The following TMEM132C variants were observed in gnomAD, a reference collection of about 807,000 sequenced individuals.
The protein encoded by TMEM132C is transmembrane protein 132C, also known as protein phosphatase 1, regulatory subunit 152.
A neutral mutation model predicts 61.4 loss-of-function variants in TMEM132C; 29 were observed. The ratio of observed to expected loss-of-function variants is 0.47; its 90% CI spans 0.35 to 0.64. The LOEUF (loss-of-function observed/expected upper bound fraction) is 0.64. TMEM132C is among the 30% of genes least tolerant of loss of function. TMEM132C has a pLI of 0.00. For synonymous variants in TMEM132C, 656 were observed against 633.1 expected (o/e 1.04, Z -0.54); for missense variants, 1,408 against 1,476.9 (o/e 0.95, Z 0.76).
At chr12:128,327,696 A>T (rs757025369) in intron 1 of TMEM132C, among the ~76,000 whole-genome samples, 1 of 152,150 alleles carries the variant, frequency 6.6e-6, no homozygotes. Context: ...GCTTGGTTTT[A>T]TACATTTTAG....
At chr12:128,401,363 A>G (rs991182457) in intron 1 of TMEM132C, among the ~76,000 whole-genome samples, 8 of 152,072 alleles carry the variant, frequency 5.3e-5, no homozygotes, top group African/African-American at 1.7e-4. Context: ...ACAAATCAGT[A>G]TAGTGCTCTG....
At chr12:128,508,219 A>T (rs1872445553) in intron 2 of TMEM132C, among the ~76,000 whole-genome samples, 1 of 152,208 alleles carries the variant, frequency 6.6e-6, no homozygotes. Context: ...AAAACCCCTT[A>T]TAAAACCATC....
intron 4 of TMEM132C, among the ~76,000 whole-genome samples, chr12:128,661,397 C>T (rs865893019): frequency 2.4e-4 from 36 of 152,144 alleles, no homozygotes; most frequent in Admixed American, 7.2e-4. Context: ...CCAAGGGATA[C>T]GTAATCATGG....
intron 2 of TMEM132C, among the ~76,000 whole-genome samples, chr12:128,495,525 T>C (rs554735463): frequency 6.6e-6 from 1 of 152,364 alleles, no homozygotes; most frequent in East Asian, 1.9e-4. Context: ...TGCTCGTGTA[T>C]TGGGTGCATA....
At chr12:128,611,261 G>T (rs956026642) in intron 3 of TMEM132C, among the ~76,000 whole-genome samples, 1 of 152,160 alleles carries the variant, frequency 6.6e-6, no homozygotes, top group African/African-American at 2.4e-5. Context: ...AAAGGGCCAT[G>T]GCTTTTTGCC....
chr12:128,327,316 A>G (rs1872552179), intron 1 of TMEM132C, among the ~76,000 whole-genome samples: 1 of 150,270 alleles, frequency 6.7e-6, no homozygotes, highest in Non-Finnish European at 1.5e-5. Flanking sequence ...CACAGCCCAC[A>G]GGAGATCCTG....
At chr12:128,568,625 A>C (rs80001663) in intron 3 of TMEM132C, among the ~76,000 whole-genome samples, 6,105 of 152,266 alleles carry the variant, frequency 0.04, 368 homozygotes, top group African/African-American at 0.13. Context: ...AAGGTCACAC[A>C]GCTGGCAAGT....
At chr12:128,565,139 G>T (rs982179166) in intron 3 of TMEM132C, among the ~76,000 whole-genome samples, 1 of 152,208 alleles carries the variant, frequency 6.6e-6, no homozygotes, top group Non-Finnish European at 1.5e-5. Flanking sequence ...GGCAGAGCCC[G>T]CCTGGCAGAG....
chr12:128,663,578 CTAACA>C (rs1273833320), intron 4 of TMEM132C, among the ~76,000 whole-genome samples: 4 of 152,258 alleles, frequency 2.6e-5, no homozygotes, highest in Non-Finnish European at 4.4e-5. Flanking sequence ...TCAAACTCCC[CTAACA>C]TATTTCAGTC....
At chr12:128,548,357 T>C (rs1874036820) in intron 3 of TMEM132C, among the ~76,000 whole-genome samples, 1 of 152,186 alleles carries the variant, frequency 6.6e-6, no homozygotes, top group African/African-American at 2.4e-5. Flanking sequence ...AAAATAAAAT[T>C]TCAGTGATAT....
At chr12:128,398,756 G>A (rs1002130894) in intron 1 of TMEM132C, among the ~76,000 whole-genome samples, 47 of 152,184 alleles carry the variant, frequency 3.1e-4, no homozygotes, top group African/African-American at 1.1e-3. Context: ...GTACAAAGAA[G>A]TCGATATATG....
At chr12:128,591,464 G>A (rs1429689816) in intron 3 of TMEM132C, among the ~76,000 whole-genome samples, 1 of 152,112 alleles carries the variant, frequency 6.6e-6, no homozygotes, top group East Asian at 1.9e-4. Context: ...CCCAGCGTGT[G>A]GATAGACCAC....
Position 128,277,338 on chromosome 12 carries a change from C to G in TMEM132C, c.85+9851C>G, listed in dbSNP as rs190495738. Among the ~76,000 whole-genome samples the G allele has an allele frequency of 4.4e-4, 67 of 152,306 alleles. No individual in the cohort carries two copies. In the East Asian group the frequency reaches 0.011, roughly 25 times the overall value. ...TCTCCCAATCTCTTGGCTGCTCTGT[C>G]CTCTTTGCTGTCTTCATTTTGGAGA... On this transcript the variant is annotated intron_variant, in intron 1 of 8. Transcript: ENST00000435159.
chr12:128,673,095 G>A (rs375568921), intron 5 of TMEM132C, among the ~76,000 whole-genome samples: 47 of 152,278 alleles, frequency 3.1e-4, no homozygotes, highest in Non-Finnish European at 4.7e-4. Context: ...GCTGGCCTTC[G>A]AGAATGTGCA....
intron 1 of TMEM132C, among the ~76,000 whole-genome samples, chr12:128,267,726 C>T (rs539988531): frequency 1.4e-3 from 212 of 152,276 alleles, no homozygotes; most frequent in South Asian, 2.1e-3. Flanking sequence ...CCACCCCGGA[C>T]CCCCCAGACC....
rs1868726949 is a variant in TMEM132C, at chr12:128,415,228, T to C, written c.582T>C (p.Cys194=). The C allele has an allele frequency of 1.2e-6, 2 of 1,609,178 alleles. No individual in the cohort carries two copies. Among genetic ancestry groups the C allele is most frequent in the Non-Finnish European group, 1.7e-6 (2 of 1,177,946 alleles). The stretch of plus-strand genomic sequence containing the variant: ...GGCTGAAGGGGGACCTGGGGCTGTG[T>C]GTGGCTGAGCTGGAGCTCCTGTCCA... ...SCRLKGDLGL[C]VAELELLSSW... Residue 194 remains cysteine (C), a synonymous_variant, in exon 2 of 9, where the codon TGT becomes TGC. Coordinates refer to ENST00000435159, the MANE Select transcript of TMEM132C (RefSeq NM_001136103.3). The surrounding 1 kb of genome is among the most constrained non-coding windows in gnomAD (Gnocchi z 5.8).
At chr12:128,655,253 C>A (rs190674035) in intron 4 of TMEM132C, among the ~76,000 whole-genome samples, 1 of 152,134 alleles carries the variant, frequency 6.6e-6, no homozygotes, top group Non-Finnish European at 1.5e-5. Flanking sequence ...AGTTGTTATA[C>A]CGCACTGTGC....
chr12:128,675,249 G>C (rs533837531), intron 5 of TMEM132C, among the ~76,000 whole-genome samples: 1 of 152,198 alleles, frequency 6.6e-6, no homozygotes, highest in South Asian at 2.1e-4. Flanking sequence ...CCAAACAGAA[G>C]AGGTAAACAT....
chr12:128,384,019 C>T (rs577683920), intron 1 of TMEM132C, among the ~76,000 whole-genome samples: 1 of 152,208 alleles, frequency 6.6e-6, no homozygotes, highest in East Asian at 1.9e-4. Context: ...AAAAACAAAA[C>T]AAAAACAAAC....
Sources: gnomAD v4.1 joint callset for allele counts (sites outside exome capture counted in the v4.1 genomes callset) on GRCh38, gnomAD v4.1.1 for gene constraint, Gnocchi (gnomAD v3.1) non-coding constraint, MANE v1.5 for transcripts, NCBI Gene and HGNC (gene_info 2026-07-23, HGNC 2026-07-21) for gene names.